The following JAKMIP1 variants were observed in gnomAD, a reference collection of about 807,000 sequenced individuals.
JAKMIP1 encodes the protein janus kinase and microtubule-interacting protein 1.
In JAKMIP1, 33 loss-of-function variants were observed where a neutral mutation model predicts 113.0. The observed-to-expected ratio is 0.29, with a 90% CI of 0.22 to 0.39. JAKMIP1 has a LOEUF of 0.39. Among genes scored for constraint, JAKMIP1 ranks in the 10% least tolerant of loss-of-function variants. The probability of loss-of-function intolerance (pLI) is 1.00; values close to 1 mark genes in which losing one functional copy is unlikely to be tolerated. For missense variants in JAKMIP1, 813 were observed against 1,080.5 expected, an observed-to-expected ratio of 0.75 and a Z score of 3.47; for synonymous variants, 480 against 459.9, an observed-to-expected ratio of 1.04 and a Z score of -0.56.
In JAKMIP1 at chr4:6,193,003, G is replaced by C. The variant is rs777900969; in HGVS notation, c.-148+7250C>G. ...AGATTAACAATTGAGTCAGTGGACT[G>C]GGAGAGGCAGACCCACCCTCAGTGT... On this transcript the variant is annotated intron_variant, in intron 1 of 20. Transcript: ENST00000409021. The surrounding 1 kb of genome is among the most constrained non-coding windows in gnomAD (Gnocchi z 6.4). Among the ~76,000 whole-genome samples, 4 of 152,192 alleles carry C rather than the reference G, an allele frequency of 2.6e-5. No individual in the cohort carries two copies. Among genetic ancestry groups the C allele is most frequent in the Admixed American group, 6.5e-5 (1 of 15,288 alleles).
At chr4:6,134,526 C>T (rs963048002) in intron 1 of JAKMIP1, among the ~76,000 whole-genome samples, 3 of 152,182 alleles carry the variant, frequency 2.0e-5, no homozygotes, top group Admixed American at 1.3e-4. Context: ...GGCACCACTT[C>T]CCACCCCTAG....
chr4:6,182,608 C>T (rs773175309), intron 1 of JAKMIP1, among the ~76,000 whole-genome samples: 4 of 152,216 alleles, frequency 2.6e-5, no homozygotes, highest in Admixed American at 2.0e-4. Flanking sequence ...GCCTCCAGAA[C>T]GGTGAGAAAT....
chr4:6,128,602 C>A (rs900174640), intron 1 of JAKMIP1, among the ~76,000 whole-genome samples: 2 of 152,174 alleles, frequency 1.3e-5, no homozygotes, highest in East Asian at 3.9e-4. Context: ...CTGACAAAGC[C>A]CCAGCCCGGA....
In JAKMIP1 at chr4:6,170,419, G is replaced by GACTATC. The variant is rs140989267; in HGVS notation, c.-148+29833_-148+29834insGATAGT. 5.0e-5 allele frequency among the ~76,000 whole-genome samples: 6 copies of GACTATC among 120,034 alleles called. 1 individual carries two copies. Among genetic ancestry groups the GACTATC allele is most frequent in the Admixed American group, 8.0e-5 (1 of 12,574 alleles). 78.7% of individuals were successfully genotyped at this position (120,034 alleles called of 152,430 possible). The stretch of plus-strand genomic sequence containing the variant: ...CCTCTATCACTACCGCCACCACCAC[G>GACTATC]ACCATCACCATAGTCACCACCACCT... On this transcript the variant is annotated intron_variant, in intron 1 of 20. Coordinates refer to ENST00000409021, the MANE Select transcript of JAKMIP1 (RefSeq NM_001099433.2).
chr4:6,098,546 AAAAGAAAGAAAG>A (rs759936324), intron 3 of JAKMIP1, among the ~76,000 whole-genome samples: 18,099 of 46,504 alleles, frequency 0.39, 1,446 homozygotes, highest in Non-Finnish European at 0.5. Context: ...GAGAGAAAGA[AAAAGAAAGAAAG>A]AAAGAAAGAA....
chr4:6,085,767 G>A, intron 3 of JAKMIP1, 138 bp from the exon 4 acceptor site: 1 of 717,266 alleles, frequency 1.4e-6, no homozygotes, highest in Admixed American at 2.6e-5. Flanking sequence ...GTAAACTCCA[G>A]ACACAGAGCA....
intron 1 of JAKMIP1, among the ~76,000 whole-genome samples, chr4:6,161,895 T>C (rs571211672): frequency 4.6e-5 from 7 of 152,096 alleles, no homozygotes; most frequent in East Asian, 1.9e-4. Context: ...AAAAACAAGA[T>C]ATGTTTGAAA....
At chr4:6,146,374 C>T (rs998477125) in intron 1 of JAKMIP1, among the ~76,000 whole-genome samples, 2 of 152,156 alleles carry the variant, frequency 1.3e-5, no homozygotes, top group African/African-American at 4.8e-5. Flanking sequence ...CTGACTGCAG[C>T]CTTGACCTCT....
rs1337661493 is a variant in JAKMIP1, at chr4:6,064,404, C to T, written c.1431+476G>A. On this transcript the variant is annotated intron_variant, in intron 9 of 20. Coordinates refer to ENST00000409021, the MANE Select transcript of JAKMIP1 (RefSeq NM_001099433.2). This position sits in a 1 kb window ranked among gnomAD's most constrained non-coding sequence, Gnocchi z 4.3. The stretch of plus-strand genomic sequence containing the variant: ...AGGCGGTGACCTTGGGGTGATGGGA[C>T]TTCAGGGCTCTTCACCTTCTTCTTT... 6.6e-6 allele frequency among the ~76,000 whole-genome samples: 1 copy of T among 152,144 alleles called. No individual in the cohort carries two copies. Among genetic ancestry groups the T allele is most frequent in the Non-Finnish European group, 1.5e-5 (1 of 68,018 alleles).
At chr4:6,062,750 G>C (rs927267036) in intron 9 of JAKMIP1, among the ~76,000 whole-genome samples, 16 of 152,316 alleles carry the variant, frequency 1.1e-4, no homozygotes, top group African/African-American at 3.4e-4. Context: ...GCAGGTGGGA[G>C]AGAAAGGGCT....
At chr4:6,161,003 T>G (rs1283368991) in intron 1 of JAKMIP1, among the ~76,000 whole-genome samples, 1 of 109,042 alleles carries the variant, frequency 9.2e-6, no homozygotes. Context: ...CCTCCATTCA[T>G]CTGCCCTCAC....
At chr4:6,045,298 G>A (rs1165835205) in intron 16 of JAKMIP1, among the ~76,000 whole-genome samples, 1 of 152,226 alleles carries the variant, frequency 6.6e-6, no homozygotes, top group Non-Finnish European at 1.5e-5. Flanking sequence ...AGATATGACT[G>A]CTATGATTTA....
chr4:6,168,786 G>C lies in JAKMIP1; in HGVS notation c.-148+31467C>G, dbSNP rs1723971640. Among the ~76,000 whole-genome samples, 1 of 152,216 alleles carries C rather than the reference G, an allele frequency of 6.6e-6. No individual in the cohort carries two copies. Among genetic ancestry groups the C allele is most frequent in the African/African-American group, 2.4e-5 (1 of 41,544 alleles). On this transcript the variant is annotated intron_variant, in intron 1 of 20. Transcript: ENST00000409021. This position sits in a 1 kb window ranked among gnomAD's most constrained non-coding sequence, Gnocchi z 4.6. ...CTGGTGGCATGCCCCTGTGGTCCCA[G>C]CTACTTGGGAGGCTGATGTGGGAGA...
chr4:6,137,740 T>C lies in JAKMIP1; in HGVS notation c.-147-24743A>G, dbSNP rs1719457935. Among the ~76,000 whole-genome samples, 1 of 152,234 alleles carries C rather than the reference T, an allele frequency of 6.6e-6. No individual in the cohort carries two copies. The highest frequency in any genetic ancestry group is 2.1e-4 in the South Asian group (1 of 4,828). On this transcript the variant is annotated intron_variant, in intron 1 of 20. Coordinates refer to ENST00000409021, the MANE Select transcript of JAKMIP1 (RefSeq NM_001099433.2). The surrounding 1 kb of genome is among the most constrained non-coding windows in gnomAD (Gnocchi z 4.5). ...CACATCACTTAGGTTCCATCATTCATTCAATTCATCAGTCCTTCAATCACA... is the reference window on the plus strand; with the variant it reads ...CACATCACTTAGGTTCCATCATTCACTCAATTCATCAGTCCTTCAATCACA...
chr4:6,075,408 G>T (rs545891577), intron 8 of JAKMIP1, among the ~76,000 whole-genome samples: 6 of 152,310 alleles, frequency 3.9e-5, no homozygotes, highest in African/African-American at 1.4e-4. Context: ...ATGGATCCAA[G>T]TATCAATTCA....
intron 1 of JAKMIP1, among the ~76,000 whole-genome samples, chr4:6,134,456 C>T (rs537924503): frequency 2.1e-4 from 32 of 151,748 alleles, no homozygotes; most frequent in African/African-American, 7.8e-4. Flanking sequence ...CCGTCTTTTC[C>T]ACCTGTTCAT....
chr4:6,128,656 C>T (rs1318590388), intron 1 of JAKMIP1, among the ~76,000 whole-genome samples: 3 of 152,168 alleles, frequency 2.0e-5, no homozygotes, highest in Admixed American at 6.5e-5. Flanking sequence ...CCATTCCCTC[C>T]GGGGCTCGCT....
rs898967680 is a variant in JAKMIP1, at chr4:6,060,311, G to A, written c.1644+113C>T. On this transcript the variant is annotated intron_variant, in intron 11 of 20. Transcript: ENST00000409021. ...TGTTTTTTCCTCTAGCGTCTCTGGA[G>A]CTCCTGATCCAGCCCCACAGAATGT... is the stretch of plus-strand genomic sequence containing the variant. 8.5e-5 allele frequency: 68 copies of A among 795,710 alleles called. No homozygotes were observed. The Middle Eastern group carries it at 1.7e-3, about 19-fold the overall frequency. The allele number at this position is 795,710 out of a possible 1,614,324, so 49.3% of individuals were successfully genotyped here.
rs1474762318 is a variant in JAKMIP1 at position 6,050,580 on chromosome 4, T to G, written c.1906A>C (p.Lys636Gln). The G allele has an allele frequency of 1.9e-6, 3 of 1,565,392 alleles. No homozygotes were observed. The highest frequency in any genetic ancestry group is 1.2e-5 in the South Asian group (1 of 84,756). ...GAGGCACCCCCCAGGCACGCTACCT[T>G]AACTCCTTCCTGGTGACAGAACAGC... is the stretch of plus-strand genomic sequence containing the variant. ...LQLFCHQEGVKDVNVSELMKK... is the reference protein window; with the variant it reads ...LQLFCHQEGVQDVNVSELMKK... The change falls in exon 14 of 21, where the codon AAG (lysine) becomes CAG (glutamine). Residue 636 changes from lysine (K) to glutamine (Q), a missense_variant and splice_region_variant. Transcript: ENST00000409021. The surrounding 1 kb of genome is among the most constrained non-coding windows in gnomAD (Gnocchi z 7.4).
Sources: allele counts gnomAD v4.1 joint callset (sites outside exome capture counted in the v4.1 genomes callset), GRCh38; gene constraint gnomAD v4.1.1; non-coding constraint Gnocchi (gnomAD v3.1); transcripts MANE v1.5; gene names NCBI Gene and HGNC (gene_info 2026-07-23, HGNC 2026-07-21).